SEZ6L: variants seen among roughly 807,000 people sequenced by gnomAD.
The protein encoded by SEZ6L is seizure related 6 homolog like.
In SEZ6L, 37 loss-of-function variants were observed where a neutral mutation model predicts 106.2. That is an observed-to-expected ratio of 0.35 (90% CI 0.27 to 0.46). The LOEUF is 0.46. SEZ6L is among the 20% of genes least tolerant of loss of function. The probability of loss-of-function intolerance (pLI) is 1.00; values close to 1 mark genes in which losing one functional copy is unlikely to be tolerated. For synonymous variants in SEZ6L, 541 were observed against 570.4 expected, an observed-to-expected ratio of 0.95 and a Z score of 0.73; for missense variants, 1,172 against 1,332.8, an observed-to-expected ratio of 0.88 and a Z score of 1.88.
intron 1 of SEZ6L, among the ~76,000 whole-genome samples, chr22:26,209,776 GGAA>G (rs1334914965): frequency 6.9e-6 from 1 of 145,564 alleles, no homozygotes; most frequent in Non-Finnish European, 1.5e-5. Context: ...AGGGAGGGAG[GGAA>G]GAAGGAGGAA....
intron 9 of SEZ6L, among the ~76,000 whole-genome samples, chr22:26,323,254 GC>G (rs2082208408): frequency 6.6e-6 from 1 of 152,216 alleles, no homozygotes; most frequent in Non-Finnish European, 1.5e-5. Context: ...AGGTGCTGGT[GC>G]CTGCACCCAC....
chr22:26,380,742 T>C lies in SEZ6L; in HGVS notation c.*447T>C, dbSNP rs955974257. The C allele has an allele frequency of 2.5e-5, 4 of 157,872 alleles. No individual in the cohort carries two copies. Among genetic ancestry groups the C allele is most frequent in the African/African-American group, 7.2e-5 (3 of 41,582 alleles). The allele number at this position is 157,872 out of a possible 1,614,324, so 9.8% of individuals were successfully genotyped here. A position where few individuals can be genotyped will look rare whatever the true frequency, so the allele number is the denominator to read the frequency against. ...TTGTTGGCTTAGTTTGGGTTGGAAT[T>C]TAGCATGGGTACTTAAACCCATTTG... On this transcript the variant is annotated 3_prime_UTR_variant, in exon 17 of 17. Transcript: ENST00000248933.
chr22:26,299,737 T>G (rs1448696367), intron 5 of SEZ6L, among the ~76,000 whole-genome samples: 1 of 152,214 alleles, frequency 6.6e-6, no homozygotes, highest in Admixed American at 6.5e-5. Flanking sequence ...TAGTAGACAT[T>G]TGAGTTGTTT....
chr22:26,350,119 A>G (rs1282826652), intron 11 of SEZ6L, among the ~76,000 whole-genome samples: 1 of 151,758 alleles, frequency 6.6e-6, no homozygotes, highest in African/African-American at 2.4e-5. Context: ...ATAATGCAAT[A>G]TGCAACCTTA....
chr22:26,207,145 C>T (rs969530303), intron 1 of SEZ6L, among the ~76,000 whole-genome samples: 6 of 152,092 alleles, frequency 3.9e-5, no homozygotes, highest in Non-Finnish European at 8.8e-5. Flanking sequence ...TGCTCTTTTT[C>T]TGTTTTGTTT....
chr22:26,207,582 C>A (rs570494785), intron 1 of SEZ6L, among the ~76,000 whole-genome samples: 1 of 152,084 alleles, frequency 6.6e-6, no homozygotes, highest in East Asian at 1.9e-4. Context: ...TCTATTTGCC[C>A]TTCTGTTTTT....
intron 5 of SEZ6L, among the ~76,000 whole-genome samples, chr22:26,302,984 G>A (rs955470995): frequency 1.3e-5 from 2 of 152,234 alleles, no homozygotes; most frequent in African/African-American, 4.8e-5. Flanking sequence ...CTCTGTGCCA[G>A]GGATGGCATG....
rs71192909 is a variant in SEZ6L, at chr22:26,287,057, C to CTT, written c.95-5335_95-5334dup. On this transcript the variant is annotated intron_variant, in intron 1 of 16. Transcript: ENST00000248933. Reference sequence around the variant, plus strand: ...TCCACCATGCCCGGTCGAGCTTGTGCTTTTTTTTTTTTTTTCACTTTAATA... The same window carrying CTT: ...TCCACCATGCCCGGTCGAGCTTGTGCTTTTTTTTTTTTTTTTTCACTTTAATA... 2.4e-4 allele frequency among the ~76,000 whole-genome samples: 34 copies of CTT among 141,512 alleles called. 1 individual carries two copies. Among genetic ancestry groups the CTT allele is most frequent in the Admixed American group, 1.8e-3 (26 of 14,104 alleles). The allele number at this position is 141,512 out of a possible 152,430, so 92.8% of individuals were successfully genotyped here.
intron 1 of SEZ6L, among the ~76,000 whole-genome samples, chr22:26,255,284 T>G (rs1470532637): frequency 6.6e-6 from 1 of 152,174 alleles, no homozygotes; most frequent in Non-Finnish European, 1.5e-5. Context: ...TTTACAAACT[T>G]GCCTTTTGCT....
intron 1 of SEZ6L, among the ~76,000 whole-genome samples, chr22:26,287,254 G>A (rs768862217): frequency 6.6e-6 from 1 of 152,138 alleles, no homozygotes; most frequent in African/African-American, 2.4e-5. Context: ...TTTAAGGAAA[G>A]CTCCATCTCT....
chr22:26,242,347 C>T (rs1428359989), intron 1 of SEZ6L, among the ~76,000 whole-genome samples: 2 of 152,258 alleles, frequency 1.3e-5, no homozygotes, highest in Admixed American at 1.3e-4. Context: ...CTGCCCTGGG[C>T]TCAAGCCCCT....
At position 26,285,617 on chromosome 22, in the gene SEZ6L, G is replaced by A. The variant is rs572016920; in HGVS notation, c.95-6789G>A. On this transcript the variant is annotated intron_variant, in intron 1 of 16. Coordinates refer to ENST00000248933, the MANE Select transcript of SEZ6L (RefSeq NM_021115.5). ...AGGGTAGGGCATGCAGGTTGGGGGA[G>A]GTTTGCTGCTGGCATCTAGTGGGTA... Among the ~76,000 whole-genome samples, 16 of 152,318 alleles carry A rather than the reference G, an allele frequency of 1.1e-4. No homozygotes were observed. The South Asian group carries it at 3.1e-3, about 30-fold the overall frequency.
At chr22:26,284,207 G>C (rs1359392945) in intron 1 of SEZ6L, among the ~76,000 whole-genome samples, 2 of 152,224 alleles carry the variant, frequency 1.3e-5, no homozygotes, top group African/African-American at 4.8e-5. Flanking sequence ...GCTAAGTCCA[G>C]AACACAAACA....
chr22:26,363,246 T>C (rs1057175648), intron 12 of SEZ6L, among the ~76,000 whole-genome samples: 1 of 152,236 alleles, frequency 6.6e-6, no homozygotes. Context: ...TCAGTTGACA[T>C]TACTCAAGCT....
At chr22:26,329,622 T>C (rs2082420790) in intron 9 of SEZ6L, among the ~76,000 whole-genome samples, 1 of 152,232 alleles carries the variant, frequency 6.6e-6, no homozygotes, top group African/African-American at 2.4e-5. Flanking sequence ...GCAAATTTAA[T>C]TGGGTTTCAC....
chr22:26,293,719 C>G (rs528251022), intron 2 of SEZ6L, among the ~76,000 whole-genome samples: 1 of 152,334 alleles, frequency 6.6e-6, no homozygotes, highest in South Asian at 2.1e-4. Flanking sequence ...GATTCAAAAC[C>G]TTTTCATCTT....
chr22:26,232,315 A>G (rs1602100853), intron 1 of SEZ6L, among the ~76,000 whole-genome samples: 1 of 146,536 alleles, frequency 6.8e-6, no homozygotes, highest in Non-Finnish European at 1.5e-5. Context: ...CCTGCCCTGA[A>G]AGTCATTAAG....
rs2079826744 is a variant in SEZ6L, at chr22:26,256,525, TA to T, written c.95-35877del. ...AACATTGGAATCACCTGGAGAGCTT[TA>T]AAAGACACAGATGCCTCAGTGCCAC... is the stretch of plus-strand genomic sequence containing the variant. On this transcript the variant is annotated intron_variant, in intron 1 of 16. Coordinates refer to ENST00000248933, the MANE Select transcript of SEZ6L (RefSeq NM_021115.5). Among the ~76,000 whole-genome samples, 3 of 152,334 alleles carry T rather than the reference TA, an allele frequency of 2.0e-5. No individual in the cohort carries two copies. The South Asian group carries it at 6.2e-4, about 32-fold the overall frequency.
At chr22:26,183,315 C>T (rs1277773705) in intron 1 of SEZ6L, among the ~76,000 whole-genome samples, 3 of 152,122 alleles carry the variant, frequency 2.0e-5, no homozygotes, top group Non-Finnish European at 4.4e-5. Context: ...ATATCCTTGC[C>T]CTCAAGAACT....
Sources: gnomAD v4.1 joint callset for allele counts (sites outside exome capture counted in the v4.1 genomes callset) on GRCh38, gnomAD v4.1.1 for gene constraint, MANE v1.5 for transcripts, NCBI Gene and HGNC (gene_info 2026-07-23, HGNC 2026-07-21) for gene names.